The following KIFC3 variants were observed in gnomAD, a reference collection of about 807,000 sequenced individuals.
The protein encoded by KIFC3 is kinesin-like protein KIFC3.
A neutral mutation model predicts 101.8 loss-of-function variants in KIFC3; 60 were observed. The ratio of observed to expected loss-of-function variants is 0.59; its 90% CI spans 0.48 to 0.73. The LOEUF (loss-of-function observed/expected upper bound fraction) is 0.73, where lower values mean the gene tolerates loss of function less well. Among genes scored for constraint, KIFC3 ranks in the 30% least tolerant of loss-of-function variants. The probability of loss-of-function intolerance (pLI) is 0.00; values close to 1 mark genes in which losing one functional copy is unlikely to be tolerated. For missense variants in KIFC3, 966 were observed against 1,137.1 expected, an observed-to-expected ratio of 0.85 and a Z score of 2.16; for synonymous variants, 476 against 482.7, an observed-to-expected ratio of 0.99 and a Z score of 0.18.
rs782552995 is a variant in KIFC3, at chr16:57,768,533, A to ACACACACACACACACACACG, written c.1218+1061_1218+1062insCGTGTGTGTGTGTGTGTGTG. ...CTCACACACACACACACACACACAC[A>ACACACACACACACACACACG]CACGCACAATTGGCTTAAGCATGCT... On this transcript the variant is annotated intron_variant, in intron 9 of 19. Transcript: ENST00000445690. Among the ~76,000 whole-genome samples, 239 of 151,678 alleles carry ACACACACACACACACACACG rather than the reference A, an allele frequency of 1.6e-3. 2 individuals are homozygous for ACACACACACACACACACACG. Among genetic ancestry groups the ACACACACACACACACACACG allele is most frequent in the African/African-American group, 5.2e-3 (215 of 41,258 alleles).
chr16:57,759,708 C>T lies in KIFC3; in HGVS notation c.2476+20G>A. The T allele has an allele frequency of 6.3e-7, 1 of 1,585,886 alleles. No individual in the cohort carries two copies. The highest frequency in any genetic ancestry group is 8.6e-7 in the Non-Finnish European group (1 of 1,162,120). The stretch of plus-strand genomic sequence containing the variant: ...TTACCCTGGGGAGACTCCCCACCCA[C>T]ACTGCCACTCCAGGCTCACCCGAGG... On this transcript the variant is annotated intron_variant, in intron 18 of 19. Transcript: ENST00000445690.
Position 57,802,177 on chromosome 16 carries a change from G to A in KIFC3, c.-40+193C>T, listed in dbSNP as rs1167640998. Among the ~76,000 whole-genome samples the A allele has an allele frequency of 6.6e-6, 1 of 152,196 alleles. No homozygotes were observed. The highest frequency in any genetic ancestry group is 1.5e-5 in the Non-Finnish European group (1 of 68,016). On this transcript the variant is annotated intron_variant, in intron 1 of 19. Transcript: ENST00000445690. The surrounding 1 kb of genome is among the most constrained non-coding windows in gnomAD (Gnocchi z 5.0). Reference sequence around the variant, plus strand: ...GTGCCCAGCTCCCAGCAAGGTCCTCGACTCGGGCTGAACGGCGCTGGAGGG... The same window carrying A: ...GTGCCCAGCTCCCAGCAAGGTCCTCAACTCGGGCTGAACGGCGCTGGAGGG...
chr16:57,777,645 C>T (rs1425715723), intron 3 of KIFC3, among the ~76,000 whole-genome samples: 1 of 151,914 alleles, frequency 6.6e-6, no homozygotes, highest in Admixed American at 6.6e-5. Context: ...CGCTTGAACC[C>T]GAGAGGCAGA....
chr16:57,821,146 GA>G (rs1233486245), intron 1 of KIFC3, among the ~76,000 whole-genome samples: 1 of 151,170 alleles, frequency 6.6e-6, no homozygotes, highest in Non-Finnish European at 1.5e-5. Flanking sequence ...AAAAAAAAGG[GA>G]GGACTATGGA....
chr16:57,807,497 A>G (rs1374787638), upstream of KIFC3: 1 of 152,250 alleles, frequency 6.6e-6, no homozygotes, highest in Non-Finnish European at 1.5e-5. Flanking sequence ...CTCTAGACCC[A>G]GCTCAGCAAG....
At chr16:57,823,811 T>C (rs1410502016) in intron 1 of KIFC3, among the ~76,000 whole-genome samples, 2 of 88,232 alleles carry the variant, frequency 2.3e-5, no homozygotes, top group African/African-American at 3.2e-5. Context: ...GTGTTTTTAG[T>C]AGAGATGGTG....
intron 1 of KIFC3, among the ~76,000 whole-genome samples, chr16:57,819,407 C>T (rs1365247358): frequency 6.6e-6 from 1 of 152,108 alleles, no homozygotes; most frequent in Non-Finnish European, 1.5e-5. Context: ...GAGTGGGGTA[C>T]ATGACTTGGC....
Position 57,769,893 on chromosome 16 carries a change from G to A in KIFC3, c.1002C>T (p.Ser334=), listed in dbSNP as rs2050944260. The change falls in exon 8 of 20, where the codon TCC becomes TCT. Residue 334 remains serine (S), a synonymous_variant. Coordinates refer to ENST00000445690, the MANE Select transcript of KIFC3 (RefSeq NM_001130100.2). The surrounding 1 kb of genome is among the most constrained non-coding windows in gnomAD (Gnocchi z 4.3). Reference sequence around the variant, plus strand: ...TGGCCCGGTTCTTGTCCTCTTCCAGGGACTGCATCTCCTCCAGCATCTGCC... The same window carrying A: ...TGGCCCGGTTCTTGTCCTCTTCCAGAGACTGCATCTCCTCCAGCATCTGCC... ...AHGQMLEEMQ[S]LEEDKNRAIE... 4 of 1,613,858 alleles carry A rather than the reference G, an allele frequency of 2.5e-6. No individual in the cohort carries two copies. The highest frequency in any genetic ancestry group is 3.4e-6 in the Non-Finnish European group (4 of 1,180,026).
At chr16:57,832,869 G>T (rs1369451251) in intron 1 of KIFC3, among the ~76,000 whole-genome samples, 2 of 152,126 alleles carry the variant, frequency 1.3e-5, no homozygotes, top group African/African-American at 2.4e-5. Context: ...AAAGAGAGAT[G>T]TTTGCAGGAT....
At chr16:57,779,924 A>G (rs2052526003) in intron 3 of KIFC3, 1 of 152,272 alleles carries the variant, frequency 6.6e-6, no homozygotes, top group African/African-American at 2.4e-5. Context: ...ATCCTGGCAG[A>G]AGGAGGAGGA....
At chr16:57,765,409 TCTTTCCCTCTCTCCCTTG>T (rs1567948466) in intron 11 of KIFC3, 32 bp downstream of exon 11, 1 of 1,521,516 alleles carries the variant, frequency 6.6e-7, no homozygotes, top group Non-Finnish European at 8.9e-7. Context: ...TGTGAGTCCA[TCTTTCCCTCTCTCCCTTG>T]CTTTCCCTTT....
At chr16:57,811,024 C>A (rs1568075300) in intron 1 of KIFC3, among the ~76,000 whole-genome samples, 2 of 152,166 alleles carry the variant, frequency 1.3e-5, no homozygotes, top group African/African-American at 4.8e-5. Context: ...AGGGCTACAG[C>A]CACAAGGAAG....
intron 1 of KIFC3, among the ~76,000 whole-genome samples, chr16:57,844,199 G>A (rs1426204221): frequency 6.6e-6 from 1 of 151,926 alleles, no homozygotes. Context: ...TTGGGAGGCT[G>A]AGACAGGAGG....
intron 1 of KIFC3, among the ~76,000 whole-genome samples, chr16:57,840,209 G>T (rs1172585940): frequency 6.6e-6 from 1 of 151,940 alleles, no homozygotes; most frequent in Admixed American, 6.6e-5. Flanking sequence ...GTGGTGGCGC[G>T]CACCTGTAAT....
At chr16:57,788,175 C>CTGGGGGCCCACGGATAGGAGGG (rs1459200857) in intron 3 of KIFC3, among the ~76,000 whole-genome samples, 3 of 152,328 alleles carry the variant, frequency 2.0e-5, no homozygotes, top group Non-Finnish European at 4.4e-5. Flanking sequence ...CCTCCAGACC[C>CTGGGGGCCCACGGATAGGAGGG]TGGGGGCCCA....
At chr16:57,809,937 C>T (rs1368790721) in intron 1 of KIFC3, among the ~76,000 whole-genome samples, 2 of 152,096 alleles carry the variant, frequency 1.3e-5, no homozygotes, top group Non-Finnish European at 2.9e-5. Context: ...GTGCTCAGGC[C>T]GGGAGTGTTT....
chr16:57,852,308 T>G (rs1431672540), intron 1 of KIFC3, among the ~76,000 whole-genome samples: 1 of 151,928 alleles, frequency 6.6e-6, no homozygotes, highest in Non-Finnish European at 1.5e-5. Context: ...TCATTGTCAG[T>G]TTTATTAGTT....
At chr16:57,796,715 A>C (rs1555623141) in intron 2 of KIFC3, among the ~76,000 whole-genome samples, 1 of 152,240 alleles carries the variant, frequency 6.6e-6, no homozygotes, top group East Asian at 1.9e-4. Flanking sequence ...GAAAGCTGAG[A>C]TAACACAATA....
At chr16:57,815,769 C>A (rs538040747) in intron 1 of KIFC3, 1 of 728,164 alleles carries the variant, frequency 1.4e-6, no homozygotes, top group African/African-American at 1.8e-5. Flanking sequence ...TTGCCTGGGT[C>A]CTTGGGATCA....
Sources: gnomAD v4.1 joint callset for allele counts (sites outside exome capture counted in the v4.1 genomes callset) on GRCh38, gnomAD v4.1.1 for gene constraint, Gnocchi (gnomAD v3.1) non-coding constraint, MANE v1.5 for transcripts, NCBI Gene and HGNC (gene_info 2026-07-23, HGNC 2026-07-21) for gene names.